TNS1: variants seen among roughly 807,000 people sequenced by gnomAD.
TNS1 encodes the protein tensin 1.
In TNS1, 62 loss-of-function variants were observed where a neutral mutation model predicts 168.6. The ratio of observed to expected loss-of-function variants is 0.37; its 90% confidence interval spans 0.30 to 0.45. The LOEUF is 0.45. Ranked by LOEUF, TNS1 falls within the 20% of genes least tolerant of loss-of-function variation. The pLI is 1.00. For missense variants in TNS1, 2,240 were observed against 2,339.4 expected (o/e 0.96, Z 0.88); for synonymous variants, 934 against 933.2 (o/e 1.00, Z -0.02).
Position 217,804,409 on chromosome 2 carries a change from T to TC in TNS1, c.*49dup, listed in dbSNP as rs747989368. 13 of 1,607,014 alleles carry TC rather than the reference T, an allele frequency of 8.1e-6. No homozygotes were observed. In the African/African-American group the frequency reaches 1.1e-4, roughly 13 times the overall value. Reference sequence around the variant, plus strand: ...GAGTGGTCAGGATTCATGGGTCCCCTCCCCACAAGCCCCTTCCCCATGGCA... The same window carrying TC: ...GAGTGGTCAGGATTCATGGGTCCCCTCCCCCACAAGCCCCTTCCCCATGGCA... On this transcript the variant is annotated 3_prime_UTR_variant, in exon 33 of 33. Transcript: ENST00000682258.
At position 217,823,847 on chromosome 2, in the gene TNS1, G is replaced by A. The variant is rs146589133; in HGVS notation, c.3374-1909C>T. Among the ~76,000 whole-genome samples the A allele has an allele frequency of 5.6e-3, 849 of 152,306 alleles. 9 individuals carry two copies. Among genetic ancestry groups the A allele is most frequent in the African/African-American group, 0.02 (817 of 41,564 alleles). ...GCACCCAAAGCTGGAATCCATGTAGGCAGTGCCAGCAAGGCCTCCTCGAAA... is the reference window on the plus strand; with the variant it reads ...GCACCCAAAGCTGGAATCCATGTAGACAGTGCCAGCAAGGCCTCCTCGAAA... On this transcript the variant is annotated intron_variant, in intron 22 of 32. Transcript: ENST00000682258.
At chr2:217,937,947 A>C (rs1423363485) in intron 3 of TNS1, among the ~76,000 whole-genome samples, 1 of 152,048 alleles carries the variant, frequency 6.6e-6, no homozygotes, top group African/African-American at 2.4e-5. Context: ...GAACACAAAA[A>C]CTGCTCCCAT....
intron 3 of TNS1, among the ~76,000 whole-genome samples, chr2:217,960,140 G>A (rs1463055862): frequency 6.6e-6 from 1 of 152,118 alleles, no homozygotes; most frequent in East Asian, 1.9e-4. Flanking sequence ...CACCCAGTGA[G>A]TGGGGGGCAG....
chr2:218,003,539 T>C (rs938496547), upstream of TNS1, among the ~76,000 whole-genome samples: 1 of 152,054 alleles, frequency 6.6e-6, no homozygotes, highest in Non-Finnish European at 1.5e-5. Flanking sequence ...AGGACAGGCC[T>C]TAACACAGAA....
intron 3 of TNS1, among the ~76,000 whole-genome samples, chr2:217,964,163 C>T (rs878913984): frequency 6.6e-6 from 1 of 152,252 alleles, no homozygotes; most frequent in African/African-American, 2.4e-5. Flanking sequence ...AACCCAACTG[C>T]AGCCTCTGTC....
intron 3 of TNS1, among the ~76,000 whole-genome samples, chr2:217,955,303 G>A (rs1367852307): frequency 1.3e-5 from 2 of 152,208 alleles, no homozygotes. Context: ...CTCCCTTCTA[G>A]CCAGCTTCCC....
In TNS1 at chr2:217,894,550, G is replaced by A. The variant is rs538431299; in HGVS notation, c.594+456C>T. On this transcript the variant is annotated intron_variant, in intron 9 of 32. Transcript: ENST00000682258. ...CACGTGCCTGTAGTCCCAGCTACTC[G>A]GAAGGCTGAGGCAGGAGAATCACTT... Among the ~76,000 whole-genome samples the A allele has an allele frequency of 1.6e-4, 24 of 152,224 alleles. 1 individual carries two copies. Among genetic ancestry groups the A allele is most frequent in the Admixed American group, 9.2e-4 (14 of 15,290 alleles).
At position 217,920,142 on chromosome 2, in the gene TNS1, C is replaced by A. The variant is rs886671372; in HGVS notation, c.228+53G>T. The A allele has an allele frequency of 2.0e-5, 14 of 702,840 alleles. No homozygotes were observed. The Admixed American group carries it at 2.6e-4, about 13-fold the overall frequency. 43.5% of individuals were successfully genotyped at this position (702,840 alleles called of 1,614,324 possible). ...GTCTAAAGAAAGCTGCAGCTGGGAG[C>A]TGCGGAGGGAGAGGAGGCAGGGCTT... On this transcript the variant is annotated intron_variant, in intron 4 of 32. Transcript: ENST00000682258.
At chr2:217,814,384 A>C (rs1233577005) in intron 25 of TNS1, among the ~76,000 whole-genome samples, 3 of 152,174 alleles carry the variant, frequency 2.0e-5, no homozygotes, top group Non-Finnish European at 2.9e-5. Context: ...AGCCTCTGCT[A>C]CAACTACTCC....
At chr2:217,901,792 G>A (rs1953017911) in intron 6 of TNS1, 1 of 152,242 alleles carries the variant, frequency 6.6e-6, no homozygotes, top group South Asian at 2.1e-4. Flanking sequence ...AAGAAGAGGA[G>A]CCCCTGCACC....
intron 1 of TNS1, among the ~76,000 whole-genome samples, chr2:217,998,429 T>C (rs995263494): frequency 1.3e-5 from 2 of 152,208 alleles, no homozygotes; most frequent in African/African-American, 2.4e-5. Flanking sequence ...CCAGGCACTC[T>C]AGTGAGGGAT....
At chr2:217,899,681 T>A (rs1352402144) in intron 7 of TNS1, among the ~76,000 whole-genome samples, 2 of 152,192 alleles carry the variant, frequency 1.3e-5, no homozygotes, top group Non-Finnish European at 2.9e-5. Context: ...CCCGCCCCTG[T>A]CTACAGGCTG....
upstream of TNS1, among the ~76,000 whole-genome samples, chr2:218,007,601 G>A (rs1047605983): frequency 5.9e-5 from 9 of 151,724 alleles, no homozygotes; most frequent in South Asian, 1.9e-3. Context: ...TGCTTGGCAG[G>A]AGAGAGTGGG....
intron 1 of TNS1, among the ~76,000 whole-genome samples, chr2:218,009,558 A>G (rs1375167928): frequency 8.6e-6 from 1 of 116,810 alleles, no homozygotes; most frequent in Non-Finnish European, 1.8e-5. Flanking sequence ...CCCAGCCCCC[A>G]TCCTCTCCCT....
intron 22 of TNS1, among the ~76,000 whole-genome samples, chr2:217,829,295 G>A (rs1186423620): frequency 1.3e-5 from 2 of 152,064 alleles, no homozygotes; most frequent in Non-Finnish European, 2.9e-5. Context: ...TGAGGCAGGA[G>A]AATTGCTTGA....
rs751419226 is a variant in TNS1 at position 217,848,274 on chromosome 2, G to A, written c.2243C>T (p.Ser748Leu). 40 of 1,549,284 alleles carry A rather than the reference G, an allele frequency of 2.6e-5. No individual in the cohort carries two copies. Among genetic ancestry groups the A allele is most frequent in the East Asian group, 6.8e-5 (3 of 44,304 alleles). Residue 748 changes from serine (S) to leucine (L), a missense_variant, in exon 19 of 33, where the codon TCG becomes TTG. Transcript: ENST00000682258. ...TGGGGGCAGCTGGGGTTCAGCTTCC[G>A]AAAAGGATTGAGAGCGGAACATACC... ...PSGMFRSQSFSEAEPQLPPAP... is the reference protein window; with the variant it reads ...PSGMFRSQSFLEAEPQLPPAP...
chr2:217,829,492 C>T (rs542213492), intron 22 of TNS1, among the ~76,000 whole-genome samples: 42 of 152,306 alleles, frequency 2.8e-4, no homozygotes, highest in African/African-American at 8.4e-4. Context: ...GATCTGAGTC[C>T]CTCCCTGTCT....
At chr2:217,815,045 A>G in intron 24 of TNS1, 47 bp from the exon 25 acceptor site, 4 of 1,500,864 alleles carry the variant, frequency 2.7e-6, no homozygotes, top group East Asian at 2.3e-5. Flanking sequence ...AATTGTGTTC[A>G]CCCAAAACAT....
chr2:218,020,015 T>C (rs1318993904), intron 1 of TNS1, among the ~76,000 whole-genome samples: 7 of 152,224 alleles, frequency 4.6e-5, no homozygotes, highest in African/African-American at 1.7e-4. Flanking sequence ...GTGAAGTGGA[T>C]CCTCCGGGTG....
Sources: gnomAD v4.1 joint callset for allele counts (sites outside exome capture counted in the v4.1 genomes callset) on GRCh38, gnomAD v4.1.1 for gene constraint, MANE v1.5 for transcripts, NCBI Gene and HGNC (gene_info 2026-07-23, HGNC 2026-07-21) for gene names.